The following NLGN1 variants were observed in gnomAD, a reference collection of about 807,000 sequenced individuals.
NLGN1 encodes neuroligin-1.
NLGN1 carries 12 observed loss-of-function variants against 65.5 expected under a neutral mutation model. The ratio of observed to expected loss-of-function variants is 0.18; its 90% CI spans 0.12 to 0.30. The LOEUF (loss-of-function observed/expected upper bound fraction) is 0.30, where lower values mean the gene tolerates loss of function less well. NLGN1 is among the 10% of genes least tolerant of loss of function. NLGN1 has a pLI of 1.00. For missense variants in NLGN1, 750 were observed against 1,007.1 expected (o/e 0.74, Z 3.46); for synonymous variants, 350 against 359.5 (o/e 0.97, Z 0.30).
At chr3:174,041,932 T>C (rs1732407320) in intron 4 of NLGN1, among the ~76,000 whole-genome samples, 1 of 152,120 alleles carries the variant, frequency 6.6e-6, no homozygotes. Context: ...CAGGTGCCTG[T>C]AATTCCAGCT....
intron 3 of NLGN1, among the ~76,000 whole-genome samples, chr3:173,756,199 T>G (rs1285089371): frequency 6.6e-6 from 1 of 151,984 alleles, no homozygotes; most frequent in Non-Finnish European, 1.5e-5. Context: ...ATTACTTTTA[T>G]GTGGTAAGAC....
downstream of NLGN1, among the ~76,000 whole-genome samples, chr3:174,290,301 A>G (rs1752622741): frequency 6.6e-6 from 1 of 150,986 alleles, no homozygotes. Context: ...GTAGGATAAC[A>G]TTGAACCCAT....
intron 1 of NLGN1, among the ~76,000 whole-genome samples, chr3:173,425,023 T>TG (rs922885828): frequency 3.3e-5 from 5 of 152,056 alleles, no homozygotes; most frequent in Non-Finnish European, 4.4e-5. Flanking sequence ...TCCATACAGC[T>TG]GGGGGGCCTC....
chr3:173,472,730 G>A (rs1725509193), intron 2 of NLGN1, among the ~76,000 whole-genome samples: 1 of 151,966 alleles, frequency 6.6e-6, no homozygotes, highest in East Asian at 1.9e-4. Context: ...AACGTCATGA[G>A]GACACAAGTG....
chr3:173,619,796 A>G (rs1753696260), intron 3 of NLGN1, among the ~76,000 whole-genome samples: 1 of 152,192 alleles, frequency 6.6e-6, no homozygotes, highest in East Asian at 1.9e-4. Flanking sequence ...AAATTTACAT[A>G]TGGTAGAATG....
At chr3:173,461,450 T>C (rs755878496) in intron 2 of NLGN1, among the ~76,000 whole-genome samples, 2 of 152,134 alleles carry the variant, frequency 1.3e-5, no homozygotes, top group Non-Finnish European at 2.9e-5. Context: ...AAAGATTCTA[T>C]TATGACCATT....
chr3:173,565,636 A>G (rs549682746), intron 2 of NLGN1, among the ~76,000 whole-genome samples: 12 of 152,228 alleles, frequency 7.9e-5, no homozygotes, highest in South Asian at 2.1e-4. Context: ...GAAAACTACA[A>G]GGTAACTCTC....
intron 4 of NLGN1, among the ~76,000 whole-genome samples, chr3:173,826,096 T>C (rs958244638): frequency 6.6e-6 from 1 of 152,076 alleles, no homozygotes; most frequent in Non-Finnish European, 1.5e-5. Flanking sequence ...GATGTTTCTC[T>C]GTCAGCCATG....
intron 4 of NLGN1, among the ~76,000 whole-genome samples, chr3:173,873,702 T>C (rs1560535362): frequency 6.6e-6 from 1 of 152,198 alleles, no homozygotes; most frequent in African/African-American, 2.4e-5. Context: ...AAAAGCTTCT[T>C]CTCTTAATTG....
At chr3:173,462,229 CA>C (rs747037377) in intron 2 of NLGN1, among the ~76,000 whole-genome samples, 2 of 152,096 alleles carry the variant, frequency 1.3e-5, no homozygotes, top group African/African-American at 2.4e-5. Flanking sequence ...CCATTTTGAG[CA>C]ACACTGATGT....
In NLGN1 at chr3:173,881,876, A is replaced by G. The variant is rs1310766873; in HGVS notation, c.646+74044A>G. 2.0e-5 allele frequency among the ~76,000 whole-genome samples: 3 copies of G among 152,184 alleles called. No individual in the cohort carries two copies. In the East Asian group the frequency reaches 5.8e-4, roughly 29 times the overall value. On this transcript the variant is annotated intron_variant, in intron 4 of 6. Transcript: ENST00000457714. ...CACAGATGTTTTAATGGCATATAGA[A>G]TGGTAAATCCTTTCTAGAAGGTTTT...
chr3:173,519,707 A>ATTT (rs56083885), intron 2 of NLGN1, among the ~76,000 whole-genome samples: 12 of 142,636 alleles, frequency 8.4e-5, no homozygotes, highest in Admixed American at 2.1e-4. Flanking sequence ...GGAGGTAACT[A>ATTT]TTTTTTTTTT....
chr3:173,557,259 A>G, intron 2 of NLGN1, among the ~76,000 whole-genome samples: 1 of 152,106 alleles, frequency 6.6e-6, no homozygotes, highest in South Asian at 2.1e-4. Flanking sequence ...TTTTTCTACT[A>G]TCATCATAGC....
chr3:173,703,889 CTTTCT>C (rs1431741141), intron 3 of NLGN1, among the ~76,000 whole-genome samples: 4 of 152,094 alleles, frequency 2.6e-5, no homozygotes, highest in African/African-American at 9.7e-5. Context: ...TTGCTCATAG[CTTTCT>C]TTTATTTTAA....
At chr3:173,804,726 A>G (rs1716252450) in intron 3 of NLGN1, among the ~76,000 whole-genome samples, 1 of 151,878 alleles carries the variant, frequency 6.6e-6, no homozygotes, top group East Asian at 1.9e-4. Context: ...GTAATAAAAC[A>G]TTATACAAAG....
chr3:174,294,055 T>C, the NLGN1 span, among the ~76,000 whole-genome samples: 1 of 151,724 alleles, frequency 6.6e-6, no homozygotes. Context: ...AATTTACTAA[T>C]TGATTTAAAA....
chr3:174,250,252 T>C (rs1024237945), intron 4 of NLGN1, among the ~76,000 whole-genome samples: 2 of 152,136 alleles, frequency 1.3e-5, no homozygotes, highest in Non-Finnish European at 2.9e-5. Context: ...TAGCACAGAG[T>C]AATGGTCTCA....
chr3:173,670,699 G>T (rs557352454), intron 3 of NLGN1, among the ~76,000 whole-genome samples: 1 of 152,114 alleles, frequency 6.6e-6, no homozygotes, highest in Non-Finnish European at 1.5e-5. Flanking sequence ...TCAGGTACTG[G>T]GTTGGAAAAT....
intron 2 of NLGN1, among the ~76,000 whole-genome samples, chr3:173,534,009 A>G (rs1737046773): frequency 6.6e-6 from 1 of 152,126 alleles, no homozygotes; most frequent in Non-Finnish European, 1.5e-5. Context: ...GCTTTGGAAC[A>G]TGGGCTTTTT....
Sources: allele counts gnomAD v4.1 joint callset (sites outside exome capture counted in the v4.1 genomes callset), GRCh38; gene constraint gnomAD v4.1.1; transcripts MANE v1.5; gene names NCBI Gene and HGNC (gene_info 2026-07-23, HGNC 2026-07-21).